Variants in F8 observed in about 807,000 individuals in gnomAD.
F8 encodes antihemophilic factor.
F8 carries 12 observed loss-of-function variants against 140.6 expected under a neutral mutation model. The observed-to-expected ratio is 0.09, with a 90% CI of 0.05 to 0.14. The LOEUF is 0.14. Among genes scored for constraint, F8 ranks in the 10% least tolerant of loss-of-function variants. The pLI is 1.00. For missense variants in F8, 1,354 were observed against 1,720.7 expected (o/e 0.79, Z 3.77); for synonymous variants, 585 against 614.6 (o/e 0.95, Z 0.71).
intron 3 of F8, among the ~76,000 whole-genome samples, chrX:154,996,299 C>A (rs1223931860): frequency 9.8e-5 from 11 of 111,861 alleles, no homozygotes; most frequent in Non-Finnish European, 1.9e-4. Context: ...TTGCACCATG[C>A]CTGCAAAGAG....
intron 5 of F8, 64 bp downstream of exon 5, chrX:154,987,173 C>G (rs2073563165): frequency 1.2e-6 from 1 of 851,186 alleles, no homozygotes; most frequent in Non-Finnish European, 1.7e-6. Context: ...CTATAATCAC[C>G]TCCTCTTAAT....
intron 10 of F8, among the ~76,000 whole-genome samples, chrX:154,958,905 C>T (rs782673312): frequency 2.2e-4 from 25 of 111,591 alleles, no homozygotes; most frequent in South Asian, 7.5e-4. Context: ...CGTGAGCCAC[C>T]GCACCCAGCG....
chrX:154,942,567 C>G (rs2073274700), intron 13 of F8, among the ~76,000 whole-genome samples: 1 of 111,731 alleles, frequency 9.0e-6, no homozygotes, highest in African/African-American at 3.3e-5. Flanking sequence ...GATGGATTCA[C>G]AGCCAAATTC....
chrX:154,896,988 A>C (rs1603432803), intron 21 of F8, among the ~76,000 whole-genome samples: 1 of 111,789 alleles, frequency 8.9e-6, no homozygotes, highest in African/African-American at 3.2e-5. Flanking sequence ...CATAGGGGTT[A>C]AAGAGTTAAT....
chrX:154,905,547 G>A (rs1321659810), intron 15 of F8, among the ~76,000 whole-genome samples: 11 of 111,269 alleles, frequency 9.9e-5, no homozygotes, highest in South Asian at 3.7e-4. Context: ...TTGAAACAAC[G>A]AATAGATATT....
intron 1 of F8, among the ~76,000 whole-genome samples, chrX:155,021,293 T>C (rs1385555687): frequency 2.7e-5 from 3 of 111,063 alleles, no homozygotes; most frequent in African/African-American, 6.6e-5. Flanking sequence ...AGAAGGGGAC[T>C]GATGTGGAAA....
At chrX:154,877,873 G>C (rs1288552582) in intron 22 of F8, among the ~76,000 whole-genome samples, 1 of 111,945 alleles carries the variant, frequency 8.9e-6, no homozygotes, top group African/African-American at 3.2e-5. Context: ...TTTGTGCCTT[G>C]ATTAGAAACC....
rs942909873 is a variant in F8 at position 154,931,640 on chromosome X, C to T, written c.2150G>A (p.Arg717Gln). The change falls in exon 14 of 26, where the codon CGG becomes CAG. Residue 717 changes from arginine (R) to glutamine (Q), a missense_variant. Transcript: ENST00000360256. ...WILGCHNSDF[R>Q]NRGMTALLKV... is the part of the protein sequence containing the mutation. ...CAGTAAGGCGGTCATGCCTCTGTTC[C>T]GAAAGTCTGAGTTGTGGCACCCCAG... is the stretch of plus-strand genomic sequence containing the variant. 13 of 1,209,693 alleles carry T rather than the reference C, an allele frequency of 1.1e-5. No individual in the cohort carries two copies. Among genetic ancestry groups the T allele is most frequent in the Admixed American group, 8.8e-5 (4 of 45,711 alleles).
intron 13 of F8, among the ~76,000 whole-genome samples, chrX:154,936,610 A>C (rs1413985422): frequency 8.9e-6 from 1 of 112,082 alleles, no homozygotes; most frequent in African/African-American, 3.2e-5. Flanking sequence ...AACAAATACA[A>C]AAATCAAAAT....
In F8 at chrX:154,930,474, G is replaced by A. The variant is rs782265663; in HGVS notation, c.3316C>T (p.Pro1106Ser). 3 of 1,208,883 alleles carry A rather than the reference G, an allele frequency of 2.5e-6. No homozygotes were observed. In the South Asian group the frequency reaches 5.3e-5, roughly 21 times the overall value. The change falls in exon 14 of 26, where the codon CCA becomes TCA. Residue 1106 changes from proline (P) to serine (S), a missense_variant. Physicochemically the swap from Pro to Ser is moderately conservative, Grantham distance 74. Coordinates refer to ENST00000360256, the MANE Select transcript of F8 (RefSeq NM_000132.4). ...GACATATCTGGATTTTGTGCATCTG[G>A]TGGAATGGGGCCCTCTTTTTTCTGT... ...VQQKKEGPIP[P>S]DAQNPDMSFF...
chrX:154,941,375 G>A (rs1383075970), intron 13 of F8, among the ~76,000 whole-genome samples: 4 of 111,447 alleles, frequency 3.6e-5, no homozygotes, highest in Non-Finnish European at 1.9e-5. Context: ...CCTAGTCTCT[G>A]ATAGAACAGA....
At chrX:154,907,494 G>C (rs1309966638) in intron 14 of F8, among the ~76,000 whole-genome samples, 1 of 112,132 alleles carries the variant, frequency 8.9e-6, no homozygotes, top group Non-Finnish European at 1.9e-5. Flanking sequence ...TTTGGCTTTG[G>C]TAGGTATTGC....
chrX:154,930,607 C>T lies in F8; in HGVS notation c.3183G>A (p.Val1061=). The change falls in exon 14 of 26, where the codon GTG becomes GTA. Residue 1061 remains valine, a synonymous_variant. Transcript: ENST00000360256. ...ILESDTEFKK[V]TPLIHDRMLM... is the part of the protein sequence containing the mutation. ...GCATTCTGTCATGAATCAAAGGTGT[C>T]ACTTTTTTAAACTCAGTGTCACTTT... The T allele has an allele frequency of 8.3e-7, 1 of 1,209,957 alleles. No individual in the cohort carries two copies. Among genetic ancestry groups the T allele is most frequent in the Non-Finnish European group, 1.1e-6 (1 of 893,918 alleles).
At chrX:154,987,386 C>T in intron 4 of F8, 81 bp from the exon 5 acceptor site, 1 of 854,733 alleles carries the variant, frequency 1.2e-6, no homozygotes, top group East Asian at 3.3e-5. Flanking sequence ...GACAGTTCTT[C>T]ATCAGTTACT....
rs1466837806 is a variant in F8 at position 154,846,879 on chromosome X, C to T, written c.6901-9127G>A. Among the ~76,000 whole-genome samples, 4 of 111,987 alleles carry T rather than the reference C, an allele frequency of 3.6e-5. No homozygotes were observed. In the East Asian group the frequency reaches 8.3e-4, roughly 23 times the overall value. On this transcript the variant is annotated intron_variant, in intron 25 of 25. Transcript: ENST00000360256. ...AGTTGATGCAGTTTCTTCCTAGCATCGATGGTCTTTACAATTTGGGATGTT... is the reference window on the plus strand; with the variant it reads ...AGTTGATGCAGTTTCTTCCTAGCATTGATGGTCTTTACAATTTGGGATGTT...
At chrX:154,852,240 T>C (rs1296075960) in intron 25 of F8, among the ~76,000 whole-genome samples, 5 of 110,339 alleles carry the variant, frequency 4.5e-5, no homozygotes, top group African/African-American at 1.7e-4. Context: ...AGCTAATTTT[T>C]TTTTCTTGTT....
At chrX:154,837,798 G>A (rs1320212977) in intron 25 of F8, 46 bp from the exon 26 acceptor site, 2 of 1,152,011 alleles carry the variant, frequency 1.7e-6, no homozygotes, top group Non-Finnish European at 2.4e-6. Context: ...ACAGGACAAT[G>A]GTCACTGCAA....
chrX:154,947,960 T>C, intron 12 of F8, 53 bp from the exon 13 acceptor site: 1 of 943,374 alleles, frequency 1.1e-6, no homozygotes, highest in Non-Finnish European at 1.5e-6. Flanking sequence ...TTTAGTATTT[T>C]GGATTGTGAT....
intron 14 of F8, among the ~76,000 whole-genome samples, chrX:154,917,347 C>A (rs782720945): frequency 9.0e-6 from 1 of 111,381 alleles, no homozygotes; most frequent in African/African-American, 3.3e-5. Context: ...TTATTTGCTT[C>A]TTTTTTCTTG....
Sources: allele counts gnomAD v4.1 joint callset (sites outside exome capture counted in the v4.1 genomes callset), GRCh38; gene constraint gnomAD v4.1.1; transcripts MANE v1.5; gene names NCBI Gene and HGNC (gene_info 2026-07-23, HGNC 2026-07-21).